The following ASB14 variants were observed in gnomAD, a reference collection of about 807,000 sequenced individuals.
The protein encoded by ASB14 is ankyrin repeat and SOCS box containing 14, also known as ankyrin repeat and SOCS box protein 14.
Under a neutral mutation model 55.6 loss-of-function variants are expected in ASB14, and 63 were observed. The observed-to-expected ratio is 1.13, with a 90% confidence interval of 0.92 to 1.40. The LOEUF (loss-of-function observed/expected upper bound fraction) is 1.40. ASB14 is among the 40% of genes most tolerant of loss of function. The probability of loss-of-function intolerance (pLI) is 0.00; values close to 1 mark genes in which losing one functional copy is unlikely to be tolerated. For synonymous variants in ASB14, 256 were observed against 259.9 expected (o/e 0.98, Z 0.15); for missense variants, 724 against 710.4 (o/e 1.02, Z -0.22).
At position 57,278,745 on chromosome 3, in the gene ASB14, G is replaced by A. The variant is rs2107621792; in HGVS notation, c.1063C>T (p.His355Tyr). Residue 355 changes from histidine to tyrosine, a missense_variant, in exon 8 of 11, where the codon CAC becomes TAC. By Grantham distance (83) the His-to-Tyr change is moderately conservative. Transcript: ENST00000487349. Reference sequence around the variant, plus strand: ...GCAAAATACAAAGCTGACTTCCTGTGGTCATCGTAGTGTTTGTTAATTCTC... The same window carrying A: ...GCAAAATACAAAGCTGACTTCCTGTAGTCATCGTAGTGTTTGTTAATTCTC... ...DQRINKHYDD[H>Y]RKSALYFAVS... The A allele has an allele frequency of 6.2e-7, 1 of 1,613,566 alleles. No homozygotes were observed. The highest frequency in any genetic ancestry group is 2.2e-5 in the East Asian group (1 of 44,818).
chr3:57,287,345 C>A (rs577334333), intron 5 of ASB14, among the ~76,000 whole-genome samples: 1 of 152,262 alleles, frequency 6.6e-6, no homozygotes, highest in African/African-American at 2.4e-5. Flanking sequence ...GAACCCCCGG[C>A]AGCCTGGAGG....
At chr3:57,289,690 T>TTC (rs2061113354) in intron 2 of ASB14, among the ~76,000 whole-genome samples, 1 of 119,256 alleles carries the variant, frequency 8.4e-6, no homozygotes, top group Admixed American at 7.9e-5. Context: ...TTCCATTCTT[T>TTC]TTTTTTTTTT....
At chr3:57,284,965 A>T (rs1247160934) in intron 5 of ASB14, among the ~76,000 whole-genome samples, 1 of 135,318 alleles carries the variant, frequency 7.4e-6, no homozygotes, top group African/African-American at 2.8e-5. Flanking sequence ...TTTGAGACAG[A>T]GTATTGCTCT....
intron 6 of ASB14, among the ~76,000 whole-genome samples, chr3:57,281,084 T>C (rs909719872): frequency 2.0e-5 from 3 of 152,142 alleles, no homozygotes; most frequent in Non-Finnish European, 2.9e-5. Context: ...ATATTTGCAC[T>C]ACACTTACAA....
intron 7 of ASB14, 129 bp downstream of exon 7, chr3:57,280,173 A>AAAG: frequency 1.5e-6 from 1 of 656,636 alleles, no homozygotes; most frequent in Non-Finnish European, 2.3e-6. Flanking sequence ...CAAAAAAAAA[A>AAAG]AAAAAAAAAA....
chr3:57,284,120 GTGTGTA>G (rs1246662886), intron 5 of ASB14, among the ~76,000 whole-genome samples: 85 of 151,374 alleles, frequency 5.6e-4, no homozygotes, highest in African/African-American at 2.0e-3. Flanking sequence ...GTGTGTGTGT[GTGTGTA>G]TGTATGTAAA....
At chr3:57,292,185 C>A in intron 1 of ASB14, 81 bp from the exon 2 acceptor site, 1 of 950,796 alleles carries the variant, frequency 1.1e-6, no homozygotes. Flanking sequence ...ATTTAGGAAA[C>A]AAAATATTCA....
intron 7 of ASB14, among the ~76,000 whole-genome samples, chr3:57,279,466 C>G (rs772098500): frequency 2.0e-5 from 3 of 151,326 alleles, no homozygotes; most frequent in Non-Finnish European, 4.4e-5. Context: ...TTTGGGAGGC[C>G]GAGGAGGGCG....
intron 5 of ASB14, among the ~76,000 whole-genome samples, chr3:57,287,236 G>A (rs1003119472): frequency 3.3e-5 from 5 of 152,166 alleles, no homozygotes; most frequent in Non-Finnish European, 7.3e-5. Flanking sequence ...GTGGACTGTA[G>A]GTTTAACAAC....
At chr3:57,288,081 A>C in intron 4 of ASB14, 22 bp from the exon 5 acceptor site, 2 of 1,536,090 alleles carry the variant, frequency 1.3e-6, no homozygotes, top group South Asian at 1.2e-5. Flanking sequence ...TCATCATACC[A>C]CACAAATTAA....
In ASB14 at chr3:57,277,864, T is replaced by C; in HGVS notation, c.1488A>G (p.Arg496=). The C allele has an allele frequency of 6.2e-7, 1 of 1,613,968 alleles. No individual in the cohort carries two copies. The highest frequency in any genetic ancestry group is 8.5e-7 in the Non-Finnish European group (1 of 1,179,896). Reference sequence around the variant, plus strand: ...CTTGATCAACATAATCAAGCATCACTCGAACAACCTTTCCAGAGAGATGTT... The same window carrying C: ...CTTGATCAACATAATCAAGCATCACCCGAACAACCTTTCCAGAGAGATGTT... ...WLQHLSGKVV[R]VMLDYVDQVR... Residue 496 remains arginine, a synonymous_variant, in exon 9 of 11, where the codon CGA becomes CGG. Transcript: ENST00000487349.
At chr3:57,280,243 C>T in intron 7 of ASB14, 59 bp downstream of exon 7, 1 of 1,124,294 alleles carries the variant, frequency 8.9e-7, no homozygotes, top group Non-Finnish European at 1.2e-6. Context: ...AGAAGCAGCA[C>T]AAAATAAAAG....
rs1285594676 is a variant in ASB14 at position 57,280,400 on chromosome 3, A to G, written c.789T>C (p.Asp263=). The G allele has an allele frequency of 1.9e-6, 3 of 1,551,454 alleles. No homozygotes were observed. Among genetic ancestry groups the G allele is most frequent in the Non-Finnish European group, 2.6e-6 (3 of 1,146,872 alleles). Residue 263 remains aspartate, a synonymous_variant, in exon 7 of 11, where the codon GAT becomes GAC. Coordinates refer to ENST00000487349, the MANE Select transcript of ASB14 (RefSeq NM_001142733.3). ...LLEAASGGNP[D]AVALLLEYGA... ...CATACTCCAGCAAGAGAGCCACAGC[A>G]TCTGGATTTCCTCCACTTGCGGCTT...
intron 9 of ASB14, 39 bp downstream of exon 9, chr3:57,277,728 T>C: frequency 1.6e-5 from 25 of 1,532,640 alleles, no homozygotes; most frequent in Non-Finnish European, 2.0e-5. Context: ...ATACAATTAG[T>C]ACTTTTGTAA....
At position 57,278,478 on chromosome 3, in the gene ASB14, C is replaced by G. The variant is rs761092441; in HGVS notation, c.1330G>C (p.Gly444Arg). The change falls in exon 8 of 11, where the codon GGG becomes CGG. Residue 444 changes from glycine to arginine, a missense_variant. Gly to Arg is a moderately radical substitution (Grantham distance 125). Coordinates refer to ENST00000487349, the MANE Select transcript of ASB14 (RefSeq NM_001142733.3). The stretch of plus-strand genomic sequence containing the variant: ...TCAAAACATCGCTCTGTGTCATACC[C>G]ATAGTTCAGCAGCATCCTGAGCATG... ...EVMLRMLLNY[G>R]YDTERCFDCP... The G allele has an allele frequency of 6.2e-6, 10 of 1,614,202 alleles. No individual in the cohort carries two copies. Among genetic ancestry groups the G allele is most frequent in the Non-Finnish European group, 8.5e-6 (10 of 1,180,020 alleles).
chr3:57,283,087 A>G lies in ASB14; in HGVS notation c.715+107T>C, dbSNP rs1243719522. ...CCCATAATTTTTATCAAACATTTATATTAGGCTTAAATGTTAACTTTTATT... is the reference window on the plus strand; with the variant it reads ...CCCATAATTTTTATCAAACATTTATGTTAGGCTTAAATGTTAACTTTTATT... On this transcript the variant is annotated intron_variant, in intron 6 of 10. Coordinates refer to ENST00000487349, the MANE Select transcript of ASB14 (RefSeq NM_001142733.3). 3.6e-6 allele frequency: 5 copies of G among 1,378,948 alleles called. No homozygotes were observed. In the African/African-American group the frequency reaches 5.8e-5, roughly 16 times the overall value. 85.4% of individuals were successfully genotyped at this position (1,378,948 alleles called of 1,614,324 possible). A position where few individuals can be genotyped will look rare whatever the true frequency, so the allele number is the denominator to read the frequency against.
Position 57,269,559 on chromosome 3 carries a change from CG to C in ASB14, c.*81del. On this transcript the variant is annotated 3_prime_UTR_variant, in exon 11 of 11. Transcript: ENST00000487349. ...CCACTAGGACTTGGAAGAACAAAGT[CG>C]GTTGATAGCTGCTTCCAGTAGACCA... The C allele has an allele frequency of 6.2e-7, 1 of 1,613,652 alleles. No individual in the cohort carries two copies.
intron 6 of ASB14, among the ~76,000 whole-genome samples, chr3:57,281,838 G>A (rs542656968): frequency 6.6e-6 from 1 of 152,148 alleles, no homozygotes; most frequent in Non-Finnish European, 1.5e-5. Context: ...CTCTAGCAAT[G>A]CAGGGTGATA....
At chr3:57,280,002 C>T (rs1307262722) in intron 7 of ASB14, among the ~76,000 whole-genome samples, 1 of 151,972 alleles carries the variant, frequency 6.6e-6, no homozygotes, top group South Asian at 2.1e-4. Context: ...GCCTGAAGCA[C>T]CAGCTTGTCA....
Sources: allele counts gnomAD v4.1 joint callset (sites outside exome capture counted in the v4.1 genomes callset), GRCh38; gene constraint gnomAD v4.1.1; transcripts MANE v1.5; gene names NCBI Gene and HGNC (gene_info 2026-07-23, HGNC 2026-07-21).